Variants in TLN2 observed in about 807,000 individuals in gnomAD.
TLN2 encodes the protein talin-2.
Under a neutral mutation model 294.7 loss-of-function variants are expected in TLN2, and 118 were observed. The ratio of observed to expected loss-of-function variants is 0.40; its 90% confidence interval spans 0.34 to 0.47. The LOEUF (loss-of-function observed/expected upper bound fraction) is 0.47, where lower values mean the gene tolerates loss of function less well. Ranked by LOEUF, TLN2 falls within the 20% of genes least tolerant of loss-of-function variation. TLN2 has a pLI of 0.84. For missense variants in TLN2, 3,083 were observed against 3,282.2 expected, an observed-to-expected ratio of 0.94 and a Z score of 1.48; for synonymous variants, 1,431 against 1,304.5, an observed-to-expected ratio of 1.10 and a Z score of -2.09.
chr15:62,698,766 C>T lies in TLN2; in HGVS notation c.1486C>T (p.Gln496Ter). The T allele has an allele frequency of 6.2e-7, 1 of 1,610,662 alleles. No individual in the cohort carries two copies. The highest frequency in any genetic ancestry group is 8.5e-7 in the Non-Finnish European group (1 of 1,179,880). The change falls in exon 16 of 59, where the codon CAG becomes TAG. Residue 496 changes from glutamine to a stop codon, truncating the protein, a stop_gained. Transcript: ENST00000636159. LOFTEE classifies it high-confidence loss of function. ...TTTGCCTTTGCAGACCTCAGCCCAG[C>T]AGGCCCTGATGGGGACCATCAACAC... ...GHMPPLTSAQ[Q>*]ALMGTINTSM...
At position 62,727,238 on chromosome 15, in the gene TLN2, G is replaced by A. The variant is rs768090657; in HGVS notation, c.3358+49G>A. The A allele has an allele frequency of 1.2e-5, 18 of 1,529,328 alleles. No individual in the cohort carries two copies. In the South Asian group the frequency reaches 1.4e-4, roughly 12 times the overall value. The allele number at this position is 1,529,328 out of a possible 1,614,324, so 94.7% of individuals were successfully genotyped here. A position where few individuals can be genotyped will look rare whatever the true frequency, so the allele number is the denominator to read the frequency against. ...ACTGTGGCCAGCTTCAGGCCACTGG[G>A]TGTAGTGGGGGAGGAGGAGGAGTTC... On this transcript the variant is annotated intron_variant, in intron 28 of 58. Transcript: ENST00000636159.
chr15:62,822,131 G>A (rs1262370311), intron 54 of TLN2, among the ~76,000 whole-genome samples: 1 of 152,140 alleles, frequency 6.6e-6, no homozygotes, highest in Non-Finnish European at 1.5e-5. Flanking sequence ...GTCCTTCTGA[G>A]CTCTTGTCTG....
chr15:62,692,900 T>C lies in TLN2; in HGVS notation c.1174T>C (p.Ser392Pro). The change falls in exon 13 of 59, where the codon TCC (serine) becomes CCC (proline). Residue 392 changes from serine (S) to proline (P), a missense_variant. By Grantham distance (74) the Ser-to-Pro change is moderately conservative. Transcript: ENST00000636159. ...SVQTTEGEQI[S>P]QLIAGYIDII... ...ACAAACCACCGAGGGAGAGCAGATA[T>C]CCCAGCTGATTGCAGGCTACATTGA... is the stretch of plus-strand genomic sequence containing the variant. 1 of 1,613,690 alleles carries C rather than the reference T, an allele frequency of 6.2e-7. No homozygotes were observed. Among genetic ancestry groups the C allele is most frequent in the Non-Finnish European group, 8.5e-7 (1 of 1,179,842 alleles).
intron 3 of TLN2, among the ~76,000 whole-genome samples, chr15:62,622,286 A>G (rs2048897303): frequency 6.6e-6 from 1 of 152,232 alleles, no homozygotes; most frequent in Non-Finnish European, 1.5e-5. Context: ...GTACAAAAGG[A>G]AAGAAGTGGA....
intron 1 of TLN2, among the ~76,000 whole-genome samples, chr15:62,478,313 A>G (rs534630813): frequency 7.8e-4 from 118 of 152,226 alleles, no homozygotes; most frequent in Non-Finnish European, 1.4e-3. Context: ...GCTAGTGGCG[A>G]GATGGGGTCG....
At chr15:62,671,473 G>A (rs2055414170) in intron 9 of TLN2, among the ~76,000 whole-genome samples, 1 of 152,010 alleles carries the variant, frequency 6.6e-6, no homozygotes, top group Non-Finnish European at 1.5e-5. Context: ...TGAAGTAGGG[G>A]GTCCAATTTC....
chr15:62,659,981 G>T (rs1313690105), intron 9 of TLN2, among the ~76,000 whole-genome samples: 1 of 152,168 alleles, frequency 6.6e-6, no homozygotes, highest in African/African-American at 2.4e-5. Context: ...CTGGTGACTG[G>T]CTGGGCTCTC....
intron 9 of TLN2, among the ~76,000 whole-genome samples, chr15:62,667,252 C>T (rs1221729466): frequency 6.6e-6 from 1 of 152,154 alleles, no homozygotes; most frequent in Non-Finnish European, 1.5e-5. Flanking sequence ...AGGCGTGAGC[C>T]ACCGTGCCTG....
At chr15:62,569,521 G>A (rs1307627333) in intron 1 of TLN2, among the ~76,000 whole-genome samples, 1 of 152,192 alleles carries the variant, frequency 6.6e-6, no homozygotes, top group African/African-American at 2.4e-5. Flanking sequence ...TGCTAGGATG[G>A]TCTTCTCAGG....
intron 1 of TLN2, among the ~76,000 whole-genome samples, chr15:62,412,369 G>A (rs912725567): frequency 2.0e-5 from 3 of 152,172 alleles, no homozygotes; most frequent in African/African-American, 7.2e-5. Flanking sequence ...TCAAGTTTCT[G>A]GCTCCAAATT....
At chr15:62,751,399 A>G (rs553671025) in intron 34 of TLN2, among the ~76,000 whole-genome samples, 2 of 152,364 alleles carry the variant, frequency 1.3e-5, no homozygotes, top group East Asian at 3.9e-4. Context: ...TTATGGAATT[A>G]TGGATTGTCT....
chr15:62,418,073 A>G (rs753805899), intron 1 of TLN2, among the ~76,000 whole-genome samples: 4 of 152,176 alleles, frequency 2.6e-5, no homozygotes, highest in Non-Finnish European at 4.4e-5. Flanking sequence ...ATAGCTGTGG[A>G]CAAGTTCCCA....
At chr15:62,498,921 G>A (rs1567033174) in intron 1 of TLN2, among the ~76,000 whole-genome samples, 1 of 152,180 alleles carries the variant, frequency 6.6e-6, no homozygotes. Context: ...GTTAAACAGA[G>A]TAGAGGTCAG....
At chr15:62,628,576 G>T (rs1269698887) in intron 3 of TLN2, among the ~76,000 whole-genome samples, 1 of 152,224 alleles carries the variant, frequency 6.6e-6, no homozygotes, top group Non-Finnish European at 1.5e-5. Context: ...TATATTTTCA[G>T]TCTCCATTTT....
intron 45 of TLN2, among the ~76,000 whole-genome samples, chr15:62,790,717 AT>A (rs1332463592): frequency 6.6e-6 from 1 of 152,262 alleles, no homozygotes; most frequent in Non-Finnish European, 1.5e-5. Flanking sequence ...CAAGAGCCAG[AT>A]TGTTTGAAAC....
chr15:62,583,075 A>G (rs2045282293), intron 1 of TLN2, among the ~76,000 whole-genome samples: 1 of 152,206 alleles, frequency 6.6e-6, no homozygotes, highest in African/African-American at 2.4e-5. Context: ...TTTTGTTATA[A>G]TGGAGTTTAG....
chr15:62,645,896 A>G (rs1001202266), intron 3 of TLN2, among the ~76,000 whole-genome samples: 4 of 152,184 alleles, frequency 2.6e-5, no homozygotes, highest in African/African-American at 7.2e-5. Context: ...TTCAGGCACA[A>G]AGAAAAAAGC....
At chr15:62,521,286 G>T (rs1415996379) in intron 1 of TLN2, among the ~76,000 whole-genome samples, 2 of 152,148 alleles carry the variant, frequency 1.3e-5, no homozygotes, top group African/African-American at 4.8e-5. Flanking sequence ...GCTGGGTGCC[G>T]TGAGGGTGGG....
chr15:62,540,249 A>T (rs1480466154), intron 1 of TLN2, among the ~76,000 whole-genome samples: 1 of 152,150 alleles, frequency 6.6e-6, no homozygotes, highest in Non-Finnish European at 1.5e-5. Context: ...CTGAGGCAGG[A>T]GAATCGCTTG....
Sources: allele counts gnomAD v4.1 joint callset (sites outside exome capture counted in the v4.1 genomes callset), GRCh38; gene constraint gnomAD v4.1.1; transcripts MANE v1.5; gene names NCBI Gene and HGNC (gene_info 2026-07-23, HGNC 2026-07-21).